The following TEX10 variants were observed in gnomAD, a reference collection of about 807,000 sequenced individuals.
TEX10 encodes the protein testis-expressed protein 10.
A neutral mutation model predicts 104.4 loss-of-function variants in TEX10; 24 were observed. The ratio of observed to expected loss-of-function variants is 0.23; its 90% CI spans 0.17 to 0.32. TEX10 has a LOEUF of 0.32. Among genes scored for constraint, TEX10 ranks in the 10% least tolerant of loss-of-function variants. The pLI is 1.00. For missense variants in TEX10, 921 were observed against 1,083.9 expected (o/e 0.85, Z 2.11); for synonymous variants, 396 against 393.4 (o/e 1.01, Z -0.08).
intron 13 of TEX10, chr9:100,306,065 A>G (rs1295076746): frequency 6.6e-6 from 1 of 152,216 alleles, no homozygotes; most frequent in African/African-American, 2.4e-5. Context: ...CGAAAATGAC[A>G]AAATACCAAA....
chr9:100,343,530 G>A (rs917338663), intron 4 of TEX10, among the ~76,000 whole-genome samples: 1 of 150,598 alleles, frequency 6.6e-6, no homozygotes, highest in Non-Finnish European at 1.5e-5. Context: ...GCCACTGCAT[G>A]TAAGACTTAA....
chr9:100,324,029 TAACC>T (rs923031665), intron 9 of TEX10, among the ~76,000 whole-genome samples: 9 of 151,876 alleles, frequency 5.9e-5, no homozygotes, highest in African/African-American at 2.2e-4. Flanking sequence ...CTGAATGAAC[TAACC>T]GTCAGTCTTT....
At chr9:100,346,482 AAG>A (rs1835301728) in intron 3 of TEX10, among the ~76,000 whole-genome samples, 167 bp from the exon 4 acceptor site, 1 of 152,226 alleles carries the variant, frequency 6.6e-6, no homozygotes, top group Non-Finnish European at 1.5e-5. Context: ...ACAAAGCCAA[AAG>A]ATATTATCAA....
At chr9:100,333,431 C>G (rs988094397) in intron 5 of TEX10, among the ~76,000 whole-genome samples, 3 of 152,090 alleles carry the variant, frequency 2.0e-5, no homozygotes, top group Non-Finnish European at 4.4e-5. Flanking sequence ...AAATTTCTAG[C>G]AAGCTATTTT....
At chr9:100,336,303 G>A (rs1312129364) in intron 5 of TEX10, among the ~76,000 whole-genome samples, 1 of 152,196 alleles carries the variant, frequency 6.6e-6, no homozygotes, top group Non-Finnish European at 1.5e-5. Context: ...CGGCCTGTTA[G>A]GAACCAGGCC....
chr9:100,303,573 C>A (rs1377739608), intron 14 of TEX10, 59 bp downstream of exon 14: 8 of 1,580,544 alleles, frequency 5.1e-6, no homozygotes, highest in South Asian at 1.1e-5. Context: ...CCCCCATGCC[C>A]CCGTCATAAA....
In TEX10 at chr9:100,330,080, G is replaced by A. The variant is rs754366777; in HGVS notation, c.1340C>T (p.Ala447Val). ...LSDIMVSLAN[A>V]STLQKDCSWI... Reference sequence around the variant, plus strand: ...ACTGCAATCCTTCTGCAAAGTTGACGCATTTGCCAGGGAGACCATGATATC... The same window carrying A: ...ACTGCAATCCTTCTGCAAAGTTGACACATTTGCCAGGGAGACCATGATATC... The change falls in exon 6 of 15, where the codon GCG (alanine) becomes GTG (valine). Residue 447 changes from alanine (A) to valine (V), a missense_variant. By Grantham distance (64) the Ala-to-Val change is moderately conservative (BLOSUM62 0). This residue lies in a region of TEX10 where 753 missense variants were observed against 868.4 expected (regional missense o/e 0.87). Coordinates refer to ENST00000374902, the MANE Select transcript of TEX10 (RefSeq NM_017746.4). 12 of 1,613,926 alleles carry A rather than the reference G, an allele frequency of 7.4e-6. No individual in the cohort carries two copies. Among genetic ancestry groups the A allele is most frequent in the Middle Eastern group, 1.6e-4 (1 of 6,084 alleles).
At chr9:100,349,606 G>C (rs1024879209) in intron 1 of TEX10, among the ~76,000 whole-genome samples, 1 of 152,030 alleles carries the variant, frequency 6.6e-6, no homozygotes, top group Non-Finnish European at 1.5e-5. Flanking sequence ...AAGTTTTTTG[G>C]GTCACAGAAC....
chr9:100,346,198 A>T lies in TEX10; in HGVS notation c.1011T>A (p.Pro337=). 6.2e-7 allele frequency: 1 copy of T among 1,614,054 alleles called. No homozygotes were observed. Among genetic ancestry groups the T allele is most frequent in the South Asian group, 1.1e-5 (1 of 91,066 alleles). The change falls in exon 4 of 15, where the codon CCT becomes CCA. Residue 337 remains proline, a synonymous_variant. Transcript: ENST00000374902. ...LLIECWVEAV[P]PQLATPVGNG... ...TCCCAACAGGAGTAGCTAGTTGTGG[A>T]GGTACAGCTTCAACCCAGCATTCAA...
chr9:100,337,522 A>AT (rs1835041573), intron 5 of TEX10, among the ~76,000 whole-genome samples: 1 of 152,240 alleles, frequency 6.6e-6, no homozygotes, highest in Admixed American at 6.5e-5. Context: ...AGAAAATTGT[A>AT]TGGGGGGAAA....
intron 12 of TEX10, 137 bp downstream of exon 12, chr9:100,310,162 A>G (rs1834237501): frequency 2.9e-6 from 2 of 700,218 alleles, no homozygotes; most frequent in Non-Finnish European, 2.4e-6. Flanking sequence ...GTTCTTGCCA[A>G]TGCATCATGC....
chr9:100,346,345 GT>G, intron 3 of TEX10, 30 bp from the exon 4 acceptor site: 1 of 1,572,654 alleles, frequency 6.4e-7, no homozygotes, highest in Non-Finnish European at 8.6e-7. Context: ...AAAAAATTAA[GT>G]GATTAAAAAA....
chr9:100,324,616 A>G (rs1834657117), intron 9 of TEX10, among the ~76,000 whole-genome samples: 1 of 152,218 alleles, frequency 6.6e-6, no homozygotes, highest in African/African-American at 2.4e-5. Flanking sequence ...TCATCGCCAC[A>G]AAAAGATAAA....
chr9:100,330,113 G>A lies in TEX10; in HGVS notation c.1307C>T (p.Thr436Ile). ...CAGGGAGACCATGATATCAGACAGT[G>A]TTAAATTCAGTAAGAGATGATCTAT... ...NNIDHLLLNL[T>I]LSDIMVSLAN... Residue 436 changes from threonine to isoleucine, a missense_variant, in exon 6 of 15, where the codon ACA (threonine) becomes ATA (isoleucine). Physicochemically the swap from Thr to Ile is moderately conservative, Grantham distance 89. This residue lies in a region of TEX10 where 753 missense variants were observed against 868.4 expected (regional missense o/e 0.87). Transcript: ENST00000374902. The A allele has an allele frequency of 6.2e-7, 1 of 1,614,032 alleles. No individual in the cohort carries two copies. The highest frequency in any genetic ancestry group is 8.5e-7 in the Non-Finnish European group (1 of 1,179,984).
At chr9:100,303,494 A>G in intron 14 of TEX10, 138 bp downstream of exon 14, 1 of 808,048 alleles carries the variant, frequency 1.2e-6, no homozygotes, top group East Asian at 2.5e-5. Context: ...GACCCTGAGA[A>G]ACTACCATAT....
At position 100,303,623 on chromosome 9, in the gene TEX10, G is replaced by C; in HGVS notation, c.2676+9C>G. On this transcript the variant is annotated intron_variant, in intron 14 of 14. Transcript: ENST00000374902. ...AATACTGCAAAGCCTCCGGTACCAT[G>C]CTTCTTACCGTGATATTCTTGATGA... 1 of 1,613,724 alleles carries C rather than the reference G, an allele frequency of 6.2e-7. No homozygotes were observed. The highest frequency in any genetic ancestry group is 8.5e-7 in the Non-Finnish European group (1 of 1,179,842).
chr9:100,330,866 AGT>A (rs1834844636), intron 5 of TEX10, among the ~76,000 whole-genome samples: 1 of 152,250 alleles, frequency 6.6e-6, no homozygotes, highest in African/African-American at 2.4e-5. Context: ...CTGTAATCCC[AGT>A]GTTTTGGGAG....
chr9:100,306,871 A>G (rs546046165), intron 13 of TEX10: 2 of 152,344 alleles, frequency 1.3e-5, no homozygotes, highest in Non-Finnish European at 2.9e-5. Context: ...ATAAGAAACT[A>G]CAATAGATCT....
rs1186249096 is a variant in TEX10 at position 100,347,134 on chromosome 9, G to A, written c.453C>T (p.His151=). The change falls in exon 3 of 15, where the codon CAC becomes CAT. Residue 151 remains histidine (H), a synonymous_variant. Transcript: ENST00000374902. ...VSAHLSSAMT[H]ITEGIQEDSL... is the part of the protein sequence containing the mutation. Reference sequence around the variant, plus strand: ...AGTCCTCCTGAATTCCTTCAGTAATGTGAGTCATGGCACTAGAGAGATGGG... The same window carrying A: ...AGTCCTCCTGAATTCCTTCAGTAATATGAGTCATGGCACTAGAGAGATGGG... 2 of 1,614,086 alleles carry A rather than the reference G, an allele frequency of 1.2e-6. No homozygotes were observed. Among genetic ancestry groups the A allele is most frequent in the African/African-American group, 2.7e-5 (2 of 74,938 alleles).
Sources: allele counts gnomAD v4.1 joint callset (sites outside exome capture counted in the v4.1 genomes callset), GRCh38; gene constraint gnomAD v4.1.1; regional missense constraint gnomAD v4.1.1; transcripts MANE v1.5; gene names NCBI Gene and HGNC (gene_info 2026-07-23, HGNC 2026-07-21).